The following CDIN1 variants were observed in gnomAD, a reference collection of about 807,000 sequenced individuals.
CDIN1 encodes CDAN1-interacting nuclease 1.
A neutral mutation model predicts 45.3 loss-of-function variants in CDIN1; 33 were observed. That is an observed-to-expected ratio of 0.73 (90% CI 0.55 to 0.97). The LOEUF (loss-of-function observed/expected upper bound fraction) is 0.97. Among genes scored for constraint, CDIN1 ranks in the 50% least tolerant of loss-of-function variants. The probability of loss-of-function intolerance (pLI) is 0.00; values close to 1 mark genes in which losing one functional copy is unlikely to be tolerated. For missense variants in CDIN1, 303 were observed against 339.4 expected (o/e 0.89, Z 0.84); for synonymous variants, 118 against 124.4 (o/e 0.95, Z 0.34).
intron 5 of CDIN1, among the ~76,000 whole-genome samples, chr15:36,659,862 T>C (rs1286274355): frequency 6.6e-6 from 1 of 152,012 alleles, no homozygotes; most frequent in African/African-American, 2.4e-5. Context: ...CAGAAAATGT[T>C]AAAATTAATG....
chr15:36,654,027 C>A, intron 3 of CDIN1, 71 bp from the exon 4 acceptor site: 3 of 1,143,362 alleles, frequency 2.6e-6, no homozygotes, highest in Non-Finnish European at 3.9e-6. Flanking sequence ...TGTATACACA[C>A]AGGGGATGCT....
chr15:36,703,799 C>T (rs1323534044), intron 8 of CDIN1, among the ~76,000 whole-genome samples: 6 of 152,150 alleles, frequency 3.9e-5, no homozygotes, highest in South Asian at 4.2e-4. Flanking sequence ...GAGATTGGTT[C>T]GGCGACACAT....
chr15:36,781,983 T>G (rs2141056309), intron 10 of CDIN1, among the ~76,000 whole-genome samples: 1 of 152,296 alleles, frequency 6.6e-6, no homozygotes, highest in Middle Eastern at 3.4e-3. Flanking sequence ...AAGTCTGTAT[T>G]AGAAGGATAT....
rs1236767993 is a variant in CDIN1, at chr15:36,579,976, C to T, written c.101+15C>T. On this transcript the variant is annotated intron_variant, in intron 1 of 10. Transcript: ENST00000566621. ...AGGTTTCCCAGGTAAGTGTCCATCT[C>T]TCCCCTCTCACAGCCCTTTGCCTGC... is the stretch of plus-strand genomic sequence containing the variant. 2 of 1,607,132 alleles carry T rather than the reference C, an allele frequency of 1.2e-6. No homozygotes were observed. The highest frequency in any genetic ancestry group is 2.7e-5 in the African/African-American group (2 of 74,780).
chr15:36,730,832 C>G (rs556031888), intron 10 of CDIN1, among the ~76,000 whole-genome samples: 10 of 151,988 alleles, frequency 6.6e-5, no homozygotes, highest in African/African-American at 2.4e-4. Context: ...CATGATTAAC[C>G]CTTATTATCA....
intron 10 of CDIN1, among the ~76,000 whole-genome samples, chr15:36,757,222 A>T (rs1047439038): frequency 6.6e-6 from 1 of 152,166 alleles, no homozygotes; most frequent in African/African-American, 2.4e-5. Context: ...CGTCGTGGGA[A>T]TAACAGTTAG....
chr15:36,674,731 G>A (rs1024839472), intron 5 of CDIN1, among the ~76,000 whole-genome samples: 1 of 152,120 alleles, frequency 6.6e-6, no homozygotes, highest in African/African-American at 2.4e-5. Flanking sequence ...AGGGAAATGA[G>A]TGTTGTTCAG....
intron 10 of CDIN1, among the ~76,000 whole-genome samples, chr15:36,731,055 A>G (rs1249964074): frequency 6.6e-6 from 1 of 152,128 alleles, no homozygotes; most frequent in Non-Finnish European, 1.5e-5. Context: ...CTTAAAGACA[A>G]TGATGCCAGT....
intron 10 of CDIN1, among the ~76,000 whole-genome samples, chr15:36,720,246 ATTATTTATTAT>A (rs959940368): frequency 1.0e-4 from 7 of 68,148 alleles, no homozygotes; most frequent in African/African-American, 3.4e-4. Flanking sequence ...TTATTTATTT[ATTATTTATTAT>A]TTATTTATTT....
intron 7 of CDIN1, among the ~76,000 whole-genome samples, chr15:36,695,362 A>G (rs12324058): frequency 0.45 from 68,219 of 151,940 alleles, 15,661 homozygotes; most frequent in East Asian, 0.65. Context: ...ATTATTACCA[A>G]ATGCAAATGC....
chr15:36,754,017 G>T (rs74008767), intron 10 of CDIN1, among the ~76,000 whole-genome samples: 3,296 of 152,248 alleles, frequency 0.022, 105 homozygotes, highest in African/African-American at 0.076. Flanking sequence ...GGTTCAAAAC[G>T]TAAGAAAGCA....
At chr15:36,774,339 T>C (rs530786816) in intron 10 of CDIN1, among the ~76,000 whole-genome samples, 1 of 152,252 alleles carries the variant, frequency 6.6e-6, no homozygotes, top group African/African-American at 2.4e-5. Context: ...GGTTGTTTTT[T>C]TCCCCCAATT....
At position 36,627,112 on chromosome 15, in the gene CDIN1, G is replaced by T. The variant is rs143024335; in HGVS notation, c.102-17166G>T. 80 of 182,700 alleles carry T rather than the reference G, an allele frequency of 4.4e-4. No homozygotes were observed. The East Asian group carries it at 0.012, about 27-fold the overall frequency. The allele number at this position is 182,700 out of a possible 1,614,324, so 11.3% of individuals were successfully genotyped here. On this transcript the variant is annotated intron_variant, in intron 1 of 10. Transcript: ENST00000566621. ...ACAGCACCAGTTCCTTGTAGTACAC[G>T]AGCAGGCACTTGTCCTTGCCCACCT... is the stretch of plus-strand genomic sequence containing the variant.
intron 3 of CDIN1, among the ~76,000 whole-genome samples, chr15:36,652,546 G>A (rs557336259): frequency 1.5e-4 from 23 of 152,124 alleles, no homozygotes; most frequent in African/African-American, 4.6e-4. Flanking sequence ...GGTTCTTAAC[G>A]GACCTGTTTC....
chr15:36,794,783 A>G (rs2054747194), intron 10 of CDIN1, among the ~76,000 whole-genome samples: 1 of 152,232 alleles, frequency 6.6e-6, no homozygotes, highest in South Asian at 2.1e-4. Flanking sequence ...TAAACTTGGC[A>G]AGATTTCAAA....
chr15:36,649,967 C>CA, intron 3 of CDIN1, among the ~76,000 whole-genome samples: 1 of 152,228 alleles, frequency 6.6e-6, no homozygotes, highest in East Asian at 1.9e-4. Flanking sequence ...GCTAATTGAA[C>CA]AAAAAAGTGG....
intron 1 of CDIN1, among the ~76,000 whole-genome samples, chr15:36,616,794 G>A (rs973866896): frequency 3.3e-5 from 5 of 151,814 alleles, no homozygotes; most frequent in African/African-American, 9.7e-5. Flanking sequence ...GCATGGTGGC[G>A]CATGCCTGTA....
At chr15:36,650,855 G>A (rs1310288131) in intron 3 of CDIN1, among the ~76,000 whole-genome samples, 2 of 152,124 alleles carry the variant, frequency 1.3e-5, no homozygotes, top group Non-Finnish European at 2.9e-5. Flanking sequence ...CTGAGATCAG[G>A]ATTTCGAGAC....
chr15:36,647,677 G>A (rs1006819637), intron 3 of CDIN1: 2 of 152,048 alleles, frequency 1.3e-5, no homozygotes, highest in Non-Finnish European at 2.9e-5. Flanking sequence ...GCTTTAAAAG[G>A]TTTTTGTTTG....
Sources: gnomAD v4.1 joint callset for allele counts (sites outside exome capture counted in the v4.1 genomes callset) on GRCh38, gnomAD v4.1.1 for gene constraint, MANE v1.5 for transcripts, NCBI Gene and HGNC (gene_info 2026-07-23, HGNC 2026-07-21) for gene names.